Variants in EYS observed in about 807,000 individuals in gnomAD.
The protein encoded by EYS is EGF-like photoreceptor maintenance factor, also known as protein eyes shut homolog.
A neutral mutation model predicts 282.1 loss-of-function variants in EYS; 250 were observed. The ratio of observed to expected loss-of-function variants is 0.89; its 90% CI spans 0.80 to 0.98. The LOEUF is 0.98. EYS is among the 50% of genes least tolerant of loss of function. The pLI is 0.00. For synonymous variants in EYS, 1,355 were observed against 1,282.9 expected, an observed-to-expected ratio of 1.06 and a Z score of -1.20; for missense variants, 4,016 against 3,709.0, an observed-to-expected ratio of 1.08 and a Z score of -2.15.
chr6:63,880,275 C>G (rs752798851), intron 35 of EYS, among the ~76,000 whole-genome samples: 32 of 152,124 alleles, frequency 2.1e-4, no homozygotes, highest in Non-Finnish European at 4.1e-4. Flanking sequence ...CAAAAATGGC[C>G]TAGTCTTCCA....
chr6:64,281,125 A>C (rs1397772162), intron 30 of EYS, among the ~76,000 whole-genome samples: 1 of 152,148 alleles, frequency 6.6e-6, no homozygotes, highest in Non-Finnish European at 1.5e-5. Context: ...AAAAATTGAT[A>C]TACTTAATGC....
intron 12 of EYS, among the ~76,000 whole-genome samples, chr6:65,087,940 C>T (rs10214501): frequency 0.24 from 36,369 of 151,904 alleles, 4,593 homozygotes; most frequent in South Asian, 0.27. Flanking sequence ...TTCCCCATGC[C>T]GTTCTCGTGA....
At chr6:64,153,621 A>G (rs148358666) in intron 31 of EYS, among the ~76,000 whole-genome samples, 2,859 of 152,338 alleles carry the variant, frequency 0.019, 77 homozygotes, top group African/African-American at 0.064. Flanking sequence ...ACCTTTTTAC[A>G]TTCTTTAATT....
chr6:65,060,087 G>A (rs1010934009), intron 12 of EYS, among the ~76,000 whole-genome samples: 2 of 151,856 alleles, frequency 1.3e-5, no homozygotes, highest in Admixed American at 6.6e-5. Flanking sequence ...TGATGAAATA[G>A]CTAACAATTT....
chr6:64,764,863 C>G (rs1583131143), intron 22 of EYS, among the ~76,000 whole-genome samples: 1 of 152,056 alleles, frequency 6.6e-6, no homozygotes, highest in African/African-American at 2.4e-5. Flanking sequence ...CTCAGCCTCC[C>G]AAGTAGGTGG....
At chr6:64,416,737 T>C (rs140807879) in intron 28 of EYS, among the ~76,000 whole-genome samples, 2 of 152,190 alleles carry the variant, frequency 1.3e-5, no homozygotes, top group African/African-American at 4.8e-5. Context: ...TTAGTAAAAT[T>C]TTCTAAGTTC....
intron 19 of EYS, among the ~76,000 whole-genome samples, chr6:64,845,352 T>C (rs1393333824): frequency 2.0e-5 from 3 of 152,096 alleles, no homozygotes; most frequent in Non-Finnish European, 4.4e-5. Context: ...GCTCTTCCCC[T>C]TTGTGTATCC....
At chr6:65,040,531 A>G (rs922426940) in intron 13 of EYS, among the ~76,000 whole-genome samples, 1 of 151,744 alleles carries the variant, frequency 6.6e-6, no homozygotes, top group Non-Finnish European at 1.5e-5. Flanking sequence ...TTTATTTACA[A>G]ATAACATTAC....
At chr6:63,879,114 A>T (rs1773060570) in intron 35 of EYS, among the ~76,000 whole-genome samples, 1 of 152,120 alleles carries the variant, frequency 6.6e-6, no homozygotes, top group South Asian at 2.1e-4. Context: ...TCAGGGAGAA[A>T]AATATCTAAC....
At chr6:65,597,190 A>T (rs544456637) in intron 2 of EYS, among the ~76,000 whole-genome samples, 22 of 152,226 alleles carry the variant, frequency 1.4e-4, no homozygotes, top group African/African-American at 5.1e-4. Context: ...CAGGCTTGTT[A>T]ATTGTAGGGC....
chr6:63,730,153 A>G (rs115001749), intron 41 of EYS, among the ~76,000 whole-genome samples: 125 of 152,258 alleles, frequency 8.2e-4, no homozygotes, highest in African/African-American at 2.8e-3. Context: ...ATGTTTCCCA[A>G]TATAATGCAT....
rs940935255 is a variant in EYS, at chr6:65,501,474, C to T, written c.-332-5481G>A. 2.6e-5 allele frequency among the ~76,000 whole-genome samples: 4 copies of T among 151,564 alleles called. No individual in the cohort carries two copies. In the Admixed American group the frequency reaches 2.6e-4, roughly 10 times the overall value. ...AAGGAAAAACTACATTTAAGAAAAA[C>T]ACCTAAATTATCGTTGCCATTATAC... is the stretch of plus-strand genomic sequence containing the variant. On this transcript the variant is annotated intron_variant, in intron 2 of 42. Coordinates refer to ENST00000503581, the MANE Select transcript of EYS (RefSeq NM_001142800.2).
At position 65,495,061 on chromosome 6, in the gene EYS, T is replaced by G; in HGVS notation, c.350A>C (p.Asn117Thr). The G allele has an allele frequency of 6.2e-7, 1 of 1,614,192 alleles. No individual in the cohort carries two copies. The change falls in exon 4 of 43, where the codon AAT becomes ACT. Residue 117 changes from asparagine to threonine, a missense_variant. Transcript: ENST00000503581. ...AAGTAACTGATCTTCCGTTGTGGTA[T>G]TTTGCACACAGCCAACGAAAGATGT... ...SETSFVGCVQ[N>T]TTTEDQLLFG...
At chr6:64,292,172 T>G (rs2150366185) in intron 30 of EYS, among the ~76,000 whole-genome samples, 1 of 152,202 alleles carries the variant, frequency 6.6e-6, no homozygotes. Flanking sequence ...TCAAACCCAC[T>G]TCCACAAAAC....
chr6:64,370,195 T>C (rs977298384), intron 29 of EYS, among the ~76,000 whole-genome samples: 1 of 152,062 alleles, frequency 6.6e-6, no homozygotes, highest in Non-Finnish European at 1.5e-5. Flanking sequence ...TGAAGTATTG[T>C]CCTTCAAATG....
In EYS at chr6:65,599,739, C is replaced by A. The variant is rs1014837880; in HGVS notation, c.-333+40039G>T. On this transcript the variant is annotated intron_variant, in intron 2 of 42. Transcript: ENST00000503581. Reference sequence around the variant, plus strand: ...CTTCTAGGTAAAAATGTTTAGTCTCCCAGACACCTTTCCTTCTTAGTTTTT... The same window carrying A: ...CTTCTAGGTAAAAATGTTTAGTCTCACAGACACCTTTCCTTCTTAGTTTTT... Among the ~76,000 whole-genome samples, 3 of 151,844 alleles carry A rather than the reference C, an allele frequency of 2.0e-5. No individual in the cohort carries two copies. In the East Asian group the frequency reaches 5.8e-4, roughly 29 times the overall value.
At chr6:65,010,945 A>G (rs978215249) in intron 13 of EYS, among the ~76,000 whole-genome samples, 1 of 152,200 alleles carries the variant, frequency 6.6e-6, no homozygotes, top group African/African-American at 2.4e-5. Context: ...AAAGGAAAAT[A>G]GAAGAGAACC....
chr6:65,475,756 GAC>G (rs545961939), intron 5 of EYS, among the ~76,000 whole-genome samples: 51 of 145,842 alleles, frequency 3.5e-4, no homozygotes, highest in Admixed American at 1.2e-3. Flanking sequence ...CAGACAGACA[GAC>G]ACACACACAC....
chr6:64,322,505 G>T (rs1381056126), intron 29 of EYS, among the ~76,000 whole-genome samples: 1 of 151,986 alleles, frequency 6.6e-6, no homozygotes, highest in Non-Finnish European at 1.5e-5. Flanking sequence ...GCAAGGACTT[G>T]AGGGGCCAAT....
Sources: gnomAD v4.1 joint callset for allele counts (sites outside exome capture counted in the v4.1 genomes callset) on GRCh38, gnomAD v4.1.1 for gene constraint, MANE v1.5 for transcripts, NCBI Gene and HGNC (gene_info 2026-07-23, HGNC 2026-07-21) for gene names.